Variants in SCGB3A1 observed in about 807,000 individuals in gnomAD.
SCGB3A1 encodes the protein cytokine HIN-1.
Under a neutral mutation model 7.6 loss-of-function variants are expected in SCGB3A1, and 7 were observed. That is an observed-to-expected ratio of 0.93 (90% CI 0.53 to 1.74). SCGB3A1 has a LOEUF of 1.74. Ranked by LOEUF, SCGB3A1 falls within the 40% of genes most tolerant of loss-of-function variation. The pLI, the probability that SCGB3A1 is intolerant of heterozygous loss-of-function variation, is 0.00. For synonymous variants in SCGB3A1, 67 were observed against 66.6 expected, an observed-to-expected ratio of 1.01 and a Z score of -0.03; for missense variants, 119 against 129.0, an observed-to-expected ratio of 0.92 and a Z score of 0.38.
intron 1 of SCGB3A1, 177 bp from the exon 2 acceptor site, chr5:180,591,015 T>C: frequency 1.8e-6 from 1 of 544,614 alleles, no homozygotes. Context: ...CAGGCGGGTC[T>C]GGGGAGGCGG....
In SCGB3A1 at chr5:180,590,778, G is replaced by T; in HGVS notation, c.113C>A (p.Ser38Ter). The T allele has an allele frequency of 6.3e-7, 1 of 1,595,412 alleles. No individual in the cohort carries two copies. The highest frequency in any genetic ancestry group is 8.5e-7 in the Non-Finnish European group (1 of 1,171,644). The change falls in exon 2 of 3, where the codon TCG becomes TAG. Residue 38 changes from serine (S) to a stop codon, truncating the protein, a stop_gained. Transcript: ENST00000292641. LOFTEE classifies it high-confidence loss of function. ...PVAQPVAALE[S>*]AAEAGAGTLA... is the part of the protein sequence containing the mutation. ...GGTCCCGGCCCCGGCCTCCGCCGCCGACTCCAGCGCAGCGACAGGCTGGGC... is the reference window on the plus strand; with the variant it reads ...GGTCCCGGCCCCGGCCTCCGCCGCCTACTCCAGCGCAGCGACAGGCTGGGC...
chr5:180,591,147 G>A (rs1288554220), intron 1 of SCGB3A1: 4 of 413,726 alleles, frequency 9.7e-6, no homozygotes, highest in Non-Finnish European at 1.7e-5. Flanking sequence ...GCGCCTTGCA[G>A]GATGAGGAGC....
Position 180,590,813 on chromosome 5 carries a change from G to T in SCGB3A1, c.78C>A (p.Ala26=). ...SSAAAFLVGS[A]KPVAQPVAAL... ...CAGCGACAGGCTGGGCCACAGGCTT[G>T]GCCGAGCCCACTAAGAAAGCAGCAG... The change falls in exon 2 of 3, where the codon GCC becomes GCA. Residue 26 remains alanine (A), a synonymous_variant. Coordinates refer to ENST00000292641, the MANE Select transcript of SCGB3A1 (RefSeq NM_052863.3). 6.2e-7 allele frequency: 1 copy of T among 1,602,100 alleles called. No homozygotes were observed. The highest frequency in any genetic ancestry group is 8.5e-7 in the Non-Finnish European group (1 of 1,174,834).
chr5:180,590,876 G>A (rs559432495), intron 1 of SCGB3A1, 38 bp from the exon 2 acceptor site: 6 of 1,520,752 alleles, frequency 3.9e-6, no homozygotes, highest in South Asian at 2.4e-5. Context: ...CCTGCGCGCC[G>A]GGGTCCCCAG....
chr5:180,590,395 G>T, intron 2 of SCGB3A1, 141 bp from the exon 3 acceptor site: 1 of 1,156,130 alleles, frequency 8.6e-7, no homozygotes, highest in Non-Finnish European at 1.2e-6. Flanking sequence ...CCCGCGCGGG[G>T]CCATCTCCGC....
chr5:180,591,396 G>A lies in SCGB3A1; in HGVS notation c.52+15C>T. On this transcript the variant is annotated intron_variant, in intron 1 of 2. Coordinates refer to ENST00000292641, the MANE Select transcript of SCGB3A1 (RefSeq NM_052863.3). ...TCAGGCCCCACCGTGCGCGCCAGGA[G>A]CCCGGGGCGCTCACCGGAGCTGCAG... 8.2e-7 allele frequency: 1 copy of A among 1,224,344 alleles called. No homozygotes were observed. The allele number at this position is 1,224,344 out of a possible 1,614,324, so 75.8% of individuals were successfully genotyped here.
chr5:180,590,497 G>A (rs1406594439), intron 2 of SCGB3A1, 103 bp downstream of exon 2: 3 of 1,029,264 alleles, frequency 2.9e-6, no homozygotes, highest in African/African-American at 1.6e-5. Context: ...GGGGCAGGAC[G>A]GGAAACAGCC....
intron 2 of SCGB3A1, 56 bp downstream of exon 2, chr5:180,590,544 A>G: frequency 7.1e-7 from 1 of 1,414,098 alleles, no homozygotes; most frequent in Non-Finnish European, 9.8e-7. Context: ...TGCAGTTTTG[A>G]GGCTGGCCGG....
intron 1 of SCGB3A1, 60 bp downstream of exon 1, chr5:180,591,351 G>T: frequency 8.6e-7 from 1 of 1,158,560 alleles, no homozygotes; most frequent in Non-Finnish European, 1.1e-6. Context: ...AGCGGCGGGG[G>T]CGCAGCGGGC....
chr5:180,590,232 C>T lies in SCGB3A1; in HGVS notation c.314G>A (p.Ter105=). 6.3e-7 allele frequency: 1 copy of T among 1,583,316 alleles called. No homozygotes were observed. ...AGGTGTAGATGCTCCAGTCTCGGCT[C>T]AGCCAAACACTGTCAGGGCCCCCTG... ...ALLGALTVFG[*] is the part of the protein sequence containing the mutation. Residue 105 remains the stop codon, a stop_retained_variant, in exon 3 of 3, where the codon TGA becomes TAA. Transcript: ENST00000292641.
At chr5:180,590,885 A>C (rs1482052911) in intron 1 of SCGB3A1, 47 bp from the exon 2 acceptor site, 1 of 1,465,636 alleles carries the variant, frequency 6.8e-7, no homozygotes, top group East Asian at 2.3e-5. Context: ...CGGGGTCCCC[A>C]GAAGGCAGGT....
At chr5:180,591,253 G>T in intron 1 of SCGB3A1, 158 bp downstream of exon 1, 1 of 509,248 alleles carries the variant, frequency 2.0e-6, no homozygotes, top group Non-Finnish European at 3.0e-6. Flanking sequence ...GGGAGGCCGC[G>T]GGCTGCAGGC....
At position 180,591,339 on chromosome 5, in the gene SCGB3A1, G is replaced by A. The variant is rs564635104; in HGVS notation, c.52+72C>T. On this transcript the variant is annotated intron_variant, in intron 1 of 2. Transcript: ENST00000292641. The stretch of plus-strand genomic sequence containing the variant: ...GACCTGGGATCCACGATCGGCGCAG[G>A]CAGCGGCGGGGGCGCAGCGGGCGCC... The A allele has an allele frequency of 2.0e-3, 2,245 of 1,128,302 alleles. 32 individuals are homozygous for A. In the African/African-American group the frequency reaches 0.032, roughly 16 times the overall value. The allele number at this position is 1,128,302 out of a possible 1,614,324, so 69.9% of individuals were successfully genotyped here.
intron 2 of SCGB3A1, 149 bp from the exon 3 acceptor site, chr5:180,590,403 C>T (rs2127777311): frequency 9.1e-7 from 1 of 1,099,960 alleles, no homozygotes; most frequent in Non-Finnish European, 1.3e-6. Flanking sequence ...GGGCCATCTC[C>T]GCCTTCCCCG....
chr5:180,590,590 C>T lies in SCGB3A1; in HGVS notation c.291+10G>A. The T allele has an allele frequency of 6.3e-7, 1 of 1,596,696 alleles. No individual in the cohort carries two copies. The highest frequency in any genetic ancestry group is 8.5e-7 in the Non-Finnish European group (1 of 1,170,608). On this transcript the variant is annotated intron_variant, in intron 2 of 2. Transcript: ENST00000292641. ...CCGCGCAGGAAGGGCACCCGGGGTG[C>T]CCACTTTACCAGCAGGGCCTTCAGG...
Position 180,590,803 on chromosome 5 carries a change from C to T in SCGB3A1, c.88G>A (p.Ala30Thr), listed in dbSNP as rs760594889. 3 of 1,602,648 alleles carry T rather than the reference C, an allele frequency of 1.9e-6. No individual in the cohort carries two copies. Among genetic ancestry groups the T allele is most frequent in the Non-Finnish European group, 2.6e-6 (3 of 1,175,130 alleles). ...AFLVGSAKPVAQPVAALESAA... is the reference protein window; with the variant it reads ...AFLVGSAKPVTQPVAALESAA... ...GACTCCAGCGCAGCGACAGGCTGGG[C>T]CACAGGCTTGGCCGAGCCCACTAAG... Residue 30 changes from alanine (A) to threonine (T), a missense_variant, in exon 2 of 3, where the codon GCC becomes ACC. Transcript: ENST00000292641.
Position 180,591,410 on chromosome 5 carries a change from C to T in SCGB3A1, c.52+1G>A. 1 of 1,226,170 alleles carries T rather than the reference C, an allele frequency of 8.2e-7. No individual in the cohort carries two copies. The highest frequency in any genetic ancestry group is 4.1e-5 in the South Asian group (1 of 24,272). 76.0% of individuals were successfully genotyped at this position (1,226,170 alleles called of 1,614,324 possible). A position where few individuals can be genotyped will look rare whatever the true frequency, so the allele number is the denominator to read the frequency against. On this transcript the variant is annotated splice_donor_variant, in intron 1 of 2. Coordinates refer to ENST00000292641, the MANE Select transcript of SCGB3A1 (RefSeq NM_052863.3). LOFTEE classifies it high-confidence loss of function. ...GCGCGCCAGGAGCCCGGGGCGCTCA[C>T]CGGAGCTGCAGGACAGGGCCACGCA...
chr5:180,590,329 G>C lies in SCGB3A1; in HGVS notation c.292-75C>G, dbSNP rs945269032. Reference sequence around the variant, plus strand: ...CTCAGGCGGGGGCGCGGCAGCGGCCGGCTCTGTGGGGAGCGGGAGCGGGGC... The same window carrying C: ...CTCAGGCGGGGGCGCGGCAGCGGCCCGCTCTGTGGGGAGCGGGAGCGGGGC... On this transcript the variant is annotated intron_variant, in intron 2 of 2. Transcript: ENST00000292641. 1.1e-4 allele frequency: 171 copies of C among 1,534,356 alleles called. No individual in the cohort carries two copies. The African/African-American group carries it at 2.2e-3, about 20-fold the overall frequency.
In SCGB3A1 at chr5:180,590,759, G is replaced by A. The variant is rs748317251; in HGVS notation, c.132C>T (p.Ala44=). The A allele has an allele frequency of 2.5e-6, 4 of 1,584,954 alleles. No homozygotes were observed. Among genetic ancestry groups the A allele is most frequent in the East Asian group, 4.7e-5 (2 of 42,816 alleles). Reference sequence around the variant, plus strand: ...TGCCGAGGGGGTTGGCCAGGGTCCCGGCCCCGGCCTCCGCCGCCGACTCCA... The same window carrying A: ...TGCCGAGGGGGTTGGCCAGGGTCCCAGCCCCGGCCTCCGCCGCCGACTCCA... ...AALESAAEAG[A]GTLANPLGTL... is the part of the protein sequence containing the mutation. Residue 44 remains alanine, a synonymous_variant, in exon 2 of 3, where the codon GCC becomes GCT. Coordinates refer to ENST00000292641, the MANE Select transcript of SCGB3A1 (RefSeq NM_052863.3).
Sources: gnomAD v4.1 joint callset for allele counts on GRCh38, gnomAD v4.1.1 for gene constraint, MANE v1.5 for transcripts, NCBI Gene and HGNC (gene_info 2026-07-23, HGNC 2026-07-21) for gene names.